The following EPN2 variants were observed in gnomAD, a reference collection of about 807,000 sequenced individuals.
EPN2 encodes epsin 2, also known as epsin-2.
Under a neutral mutation model 61.7 loss-of-function variants are expected in EPN2, and 34 were observed. The observed-to-expected ratio is 0.55, with a 90% CI of 0.42 to 0.73. The LOEUF (loss-of-function observed/expected upper bound fraction) is 0.73. EPN2 is among the 30% of genes least tolerant of loss of function. EPN2 has a pLI of 0.00. For missense variants in EPN2, 714 were observed against 839.2 expected (o/e 0.85, Z 1.84); for synonymous variants, 349 against 353.6 (o/e 0.99, Z 0.15).
chr17:19,242,989 G>A (rs2044901769), intron 1 of EPN2, among the ~76,000 whole-genome samples: 1 of 152,220 alleles, frequency 6.6e-6, no homozygotes. Flanking sequence ...GCTTTGGAAT[G>A]AGGTGTGGGT....
chr17:19,296,487 T>C (rs1277182384), intron 4 of EPN2: 1 of 152,000 alleles, frequency 6.6e-6, no homozygotes, highest in Non-Finnish European at 1.5e-5. Context: ...ATAATGTATG[T>C]CCATTCATGA....
chr17:19,300,240 G>A (rs1567860063), intron 4 of EPN2, among the ~76,000 whole-genome samples: 1 of 152,172 alleles, frequency 6.6e-6, no homozygotes, highest in Non-Finnish European at 1.5e-5. Context: ...CTCTCAGGAA[G>A]TGGTGAGACA....
intron 4 of EPN2, among the ~76,000 whole-genome samples, chr17:19,300,289 G>A (rs1329596827): frequency 6.6e-6 from 1 of 152,170 alleles, no homozygotes; most frequent in African/African-American, 2.4e-5. Flanking sequence ...CAGAGCCAGG[G>A]CTTATATGCC....
At chr17:19,246,678 C>A (rs1233322230) in intron 1 of EPN2, among the ~76,000 whole-genome samples, 1 of 150,254 alleles carries the variant, frequency 6.7e-6, no homozygotes, top group Admixed American at 6.6e-5. Context: ...CCTTCCGCCC[C>A]CCCCAAAAAA....
intron 1 of EPN2, among the ~76,000 whole-genome samples, chr17:19,264,687 T>C (rs543447519): frequency 1.6e-4 from 24 of 152,144 alleles, no homozygotes; most frequent in African/African-American, 5.8e-4. Flanking sequence ...GGTAAGGGTG[T>C]AGAGAGGATC....
intron 7 of EPN2, among the ~76,000 whole-genome samples, chr17:19,320,646 G>A (rs1196647276): frequency 1.3e-5 from 2 of 152,192 alleles, no homozygotes; most frequent in Non-Finnish European, 2.9e-5. Flanking sequence ...GAAGAACCAT[G>A]GTTGAGAACC....
chr17:19,270,829 G>A (rs1233907936), intron 1 of EPN2, among the ~76,000 whole-genome samples: 1 of 152,192 alleles, frequency 6.6e-6, no homozygotes, highest in East Asian at 1.9e-4. Context: ...CTCAGGCCCC[G>A]TGGTGCCTGG....
intron 1 of EPN2, among the ~76,000 whole-genome samples, chr17:19,272,955 A>G (rs575065947): frequency 2.3e-4 from 35 of 152,276 alleles, no homozygotes; most frequent in African/African-American, 5.3e-4. Context: ...CTGCCCATGT[A>G]TTCTACACCC....
intron 1 of EPN2, among the ~76,000 whole-genome samples, chr17:19,258,949 A>G (rs1432548230): frequency 6.6e-6 from 1 of 152,234 alleles, no homozygotes; most frequent in Admixed American, 6.5e-5. Flanking sequence ...TGTGTGTGCC[A>G]CATCATATTA....
chr17:19,274,498 T>G (rs532964455), intron 1 of EPN2: 2 of 152,354 alleles, frequency 1.3e-5, no homozygotes, highest in Non-Finnish European at 2.9e-5. Flanking sequence ...ACAATGTTGA[T>G]TGACCTGTGA....
At chr17:19,297,940 G>A (rs1312739538) in intron 4 of EPN2, among the ~76,000 whole-genome samples, 2 of 152,008 alleles carry the variant, frequency 1.3e-5, no homozygotes, top group East Asian at 1.9e-4. Flanking sequence ...CCAGTGGCAC[G>A]ATCTCGGCTC....
chr17:19,285,657 G>A lies in EPN2; in HGVS notation c.633G>A (p.Gly211=). ...CGCTGTGCCCCCAGCACCGCACAGGGGCCCCGCTGGGTCAGAGTGAGGAGC... is the reference window on the plus strand; with the variant it reads ...CGCTGTGCCCCCAGCACCGCACAGGAGCCCCGCTGGGTCAGAGTGAGGAGC... ...EASLCPQHRT[G]APLGQSEELQ... The change falls in exon 4 of 11, where the codon GGG becomes GGA. Residue 211 remains glycine (G), a synonymous_variant. Transcript: ENST00000314728. The surrounding 1 kb of genome is among the most constrained non-coding windows in gnomAD (Gnocchi z 4.5). 1.3e-6 allele frequency: 2 copies of A among 1,567,732 alleles called. No homozygotes were observed. The highest frequency in any genetic ancestry group is 1.7e-6 in the Non-Finnish European group (2 of 1,157,242).
intron 1 of EPN2, among the ~76,000 whole-genome samples, chr17:19,254,568 A>G (rs891130553): frequency 1.3e-5 from 2 of 152,046 alleles, no homozygotes; most frequent in South Asian, 4.1e-4. Context: ...AAACAAAAAC[A>G]GAAAACTGTA....
At chr17:19,244,525 AT>A (rs2044924254) in intron 1 of EPN2, among the ~76,000 whole-genome samples, 3 of 151,938 alleles carry the variant, frequency 2.0e-5, no homozygotes, top group African/African-American at 7.2e-5. Flanking sequence ...TGGGTCCTGG[AT>A]TCCCACGGGG....
intron 1 of EPN2, among the ~76,000 whole-genome samples, chr17:19,264,532 A>G (rs1291020967): frequency 1.3e-5 from 2 of 152,176 alleles, no homozygotes; most frequent in East Asian, 1.9e-4. Context: ...CCATTTTACA[A>G]ATGAGGAAAC....
At chr17:19,274,216 C>G in intron 1 of EPN2, 1 of 152,628 alleles carries the variant, frequency 6.6e-6, no homozygotes. Flanking sequence ...AGAGTGGCAC[C>G]CCCTCAGCTC....
At chr17:19,318,194 C>T (rs753143957) in intron 7 of EPN2, among the ~76,000 whole-genome samples, 7 of 152,202 alleles carry the variant, frequency 4.6e-5, no homozygotes, top group Non-Finnish European at 1.0e-4. Flanking sequence ...CAAGCACAGA[C>T]TTCACTCTAT....
intron 9 of EPN2, among the ~76,000 whole-genome samples, chr17:19,329,932 G>T (rs1198913896): frequency 1.3e-5 from 2 of 152,180 alleles, no homozygotes; most frequent in Admixed American, 6.5e-5. Context: ...CCTCTGGCCT[G>T]ATCCAGCATT....
intron 4 of EPN2, among the ~76,000 whole-genome samples, chr17:19,307,665 T>C (rs1905916705): frequency 6.6e-6 from 1 of 152,152 alleles, no homozygotes; most frequent in South Asian, 2.1e-4. Flanking sequence ...AATTTATTGC[T>C]ATATGTTTTG....
Sources: allele counts gnomAD v4.1 joint callset (sites outside exome capture counted in the v4.1 genomes callset), GRCh38; gene constraint gnomAD v4.1.1; non-coding constraint Gnocchi (gnomAD v3.1); transcripts MANE v1.5; gene names NCBI Gene and HGNC (gene_info 2026-07-23, HGNC 2026-07-21).